The following PKP4 variants were observed in gnomAD, a reference collection of about 807,000 sequenced individuals.
The protein encoded by PKP4 is plakophilin-4.
A neutral mutation model predicts 145.1 loss-of-function variants in PKP4; 90 were observed. That is an observed-to-expected ratio of 0.62 (90% CI 0.52 to 0.74). PKP4 has a LOEUF of 0.74. Ranked by LOEUF, PKP4 falls within the 30% of genes least tolerant of loss-of-function variation. The probability of loss-of-function intolerance (pLI) is 0.00; values close to 1 mark genes in which losing one functional copy is unlikely to be tolerated. For missense variants in PKP4, 1,340 were observed against 1,482.7 expected, an observed-to-expected ratio of 0.90 and a Z score of 1.58; for synonymous variants, 563 against 577.2, an observed-to-expected ratio of 0.98 and a Z score of 0.35.
chr2:158,574,197 A>G (rs761552433), intron 2 of PKP4, among the ~76,000 whole-genome samples: 7 of 152,344 alleles, frequency 4.6e-5, no homozygotes, highest in Admixed American at 2.0e-4. Flanking sequence ...TTGACTTTCT[A>G]AAGTCGTGTG....
At chr2:158,679,438 A>G (rs1018820989) in intron 21 of PKP4, 1 of 152,192 alleles carries the variant, frequency 6.6e-6, no homozygotes, top group Non-Finnish European at 1.5e-5. Context: ...AATTTATGCT[A>G]TGGTTTTTTA....
intron 2 of PKP4, among the ~76,000 whole-genome samples, chr2:158,554,160 C>G (rs2045870463): frequency 6.7e-6 from 1 of 149,984 alleles, no homozygotes. Flanking sequence ...CTTTACCATG[C>G]TTCCTCCTCT....
At chr2:158,549,296 G>A (rs1049712700) in intron 2 of PKP4, 1 of 152,302 alleles carries the variant, frequency 6.6e-6, no homozygotes, top group Non-Finnish European at 1.5e-5. Flanking sequence ...TAAGTTTTCA[G>A]TATTATCAGA....
At chr2:158,604,394 G>C (rs1293282029) in intron 4 of PKP4, among the ~76,000 whole-genome samples, 1 of 152,156 alleles carries the variant, frequency 6.6e-6, no homozygotes, top group Non-Finnish European at 1.5e-5. Flanking sequence ...CGTGATCATG[G>C]GGAGACACTG....
Position 158,673,086 on chromosome 2 carries a change from T to C in PKP4, c.2925-591T>C, listed in dbSNP as rs562829857. Among the ~76,000 whole-genome samples the C allele has an allele frequency of 3.9e-5, 6 of 152,260 alleles. No individual in the cohort carries two copies. In the South Asian group the frequency reaches 1.2e-3, roughly 32 times the overall value. Reference sequence around the variant, plus strand: ...GCAGCAGCTCCCAAGGTGAATCCAGTGACTCGGAATCCAGTTGGCTATGCT... The same window carrying C: ...GCAGCAGCTCCCAAGGTGAATCCAGCGACTCGGAATCCAGTTGGCTATGCT... On this transcript the variant is annotated intron_variant, in intron 17 of 21. Transcript: ENST00000389759.
At chr2:158,567,957 C>A (rs1164276118) in intron 2 of PKP4, among the ~76,000 whole-genome samples, 1 of 152,150 alleles carries the variant, frequency 6.6e-6, no homozygotes, top group Non-Finnish European at 1.5e-5. Context: ...CAGTTTGAGC[C>A]TGAATGAAAG....
rs141217565 is a variant in PKP4, at chr2:158,517,753, CA to C, written c.-5-15416del. Among the ~76,000 whole-genome samples, 120 of 142,130 alleles carry C rather than the reference CA, an allele frequency of 8.4e-4. 1 individual carries two copies. Among genetic ancestry groups the C allele is most frequent in the East Asian group, 7.2e-3 (35 of 4,828 alleles). The allele number at this position is 142,130 out of a possible 152,430, so 93.2% of individuals were successfully genotyped here. Reference sequence around the variant, plus strand: ...GCAACATGATGACACCCCGACTCTACAAAAAAAAAAATGAAAATTAGCTCAG... The same window carrying C: ...GCAACATGATGACACCCCGACTCTACAAAAAAAAAATGAAAATTAGCTCAG... On this transcript the variant is annotated intron_variant, in intron 1 of 21. Transcript: ENST00000389759.
intron 3 of PKP4, among the ~76,000 whole-genome samples, chr2:158,583,781 A>T (rs7587278): frequency 0.036 from 5,494 of 152,234 alleles, 235 homozygotes; most frequent in African/African-American, 0.1. Flanking sequence ...TCTTGTTCCT[A>T]AAGTCCCACT....
chr2:158,625,651 CTT>C (rs2052703968), intron 7 of PKP4, among the ~76,000 whole-genome samples: 1 of 152,062 alleles, frequency 6.6e-6, no homozygotes, highest in East Asian at 1.9e-4. Flanking sequence ...GGATATAACT[CTT>C]TTGTAATATT....
chr2:158,624,068 C>T (rs2052522561), intron 6 of PKP4, among the ~76,000 whole-genome samples: 1 of 152,180 alleles, frequency 6.6e-6, no homozygotes, highest in Non-Finnish European at 1.5e-5. Flanking sequence ...GGCCAAGAAC[C>T]CAAAAGAGGC....
intron 1 of PKP4, among the ~76,000 whole-genome samples, chr2:158,465,487 T>G (rs1690468100): frequency 6.6e-6 from 1 of 152,234 alleles, no homozygotes. Context: ...GAAACCATAA[T>G]TTATGCTGTA....
chr2:158,617,848 G>A (rs2051794416), intron 4 of PKP4, among the ~76,000 whole-genome samples: 1 of 152,178 alleles, frequency 6.6e-6, no homozygotes, highest in Admixed American at 6.5e-5. Context: ...GATCTCTGCA[G>A]CTATTCTTCA....
intron 4 of PKP4, among the ~76,000 whole-genome samples, chr2:158,610,159 C>T (rs908752436): frequency 6.6e-6 from 1 of 151,982 alleles, no homozygotes; most frequent in Non-Finnish European, 1.5e-5. Flanking sequence ...TTATGAGGAG[C>T]AGTTTATTTA....
chr2:158,618,430 G>A lies in PKP4; in HGVS notation c.281-2560G>A, dbSNP rs527570055. On this transcript the variant is annotated intron_variant, in intron 4 of 21. Coordinates refer to ENST00000389759, the MANE Select transcript of PKP4 (RefSeq NM_003628.6). Reference sequence around the variant, plus strand: ...TTTTCTAGATTCTGTTTTCTAGGGCGTTGCATTAAAAAATATATGAAACAC... The same window carrying A: ...TTTTCTAGATTCTGTTTTCTAGGGCATTGCATTAAAAAATATATGAAACAC... 5.3e-5 allele frequency among the ~76,000 whole-genome samples: 8 copies of A among 152,058 alleles called. No individual in the cohort carries two copies. The East Asian group carries it at 9.7e-4, about 18-fold the overall frequency.
intron 4 of PKP4, among the ~76,000 whole-genome samples, chr2:158,609,337 G>T (rs144115860): frequency 1.3e-5 from 2 of 152,198 alleles, no homozygotes; most frequent in African/African-American, 4.8e-5. Flanking sequence ...GCTTAAATTT[G>T]AAAAATATTT....
At chr2:158,536,347 C>T (rs2044042071) in intron 2 of PKP4, among the ~76,000 whole-genome samples, 2 of 152,104 alleles carry the variant, frequency 1.3e-5, no homozygotes, top group African/African-American at 4.8e-5. Context: ...TTATTGCAAC[C>T]CCAAACATAA....
rs767723080 is a variant in PKP4 at position 158,603,139 on chromosome 2, A to T, written c.280+35A>T. On this transcript the variant is annotated intron_variant, in intron 4 of 21. Transcript: ENST00000389759. ...TTATTATATAAAAGTTATGTTTGAT[A>T]AACACAAATTACATAGCCTACTCTC... 7 of 1,215,598 alleles carry T rather than the reference A, an allele frequency of 5.8e-6. No individual in the cohort carries two copies. The Admixed American group carries it at 1.4e-4, about 24-fold the overall frequency. The allele number at this position is 1,215,598 out of a possible 1,614,324, so 75.3% of individuals were successfully genotyped here.
At chr2:158,512,956 G>C (rs978054851) in intron 1 of PKP4, among the ~76,000 whole-genome samples, 1 of 152,220 alleles carries the variant, frequency 6.6e-6, no homozygotes, top group Admixed American at 6.5e-5. Context: ...CAAAGGTGAA[G>C]ATGTGTTTGC....
At chr2:158,554,895 G>C (rs902145023) in intron 2 of PKP4, among the ~76,000 whole-genome samples, 1 of 152,116 alleles carries the variant, frequency 6.6e-6, no homozygotes, top group Non-Finnish European at 1.5e-5. Context: ...AAAGATGTTA[G>C]GTAGCAAGAA....
Sources: allele counts gnomAD v4.1 joint callset (sites outside exome capture counted in the v4.1 genomes callset), GRCh38; gene constraint gnomAD v4.1.1; transcripts MANE v1.5; gene names NCBI Gene and HGNC (gene_info 2026-07-23, HGNC 2026-07-21).